NPEPPS: variants seen among roughly 807,000 people sequenced by gnomAD.
NPEPPS encodes the protein aminopeptidase puromycin sensitive, also known as puromycin-sensitive aminopeptidase.
A neutral mutation model predicts 115.5 loss-of-function variants in NPEPPS; 14 were observed. That is an observed-to-expected ratio of 0.12 (90% confidence interval 0.08 to 0.19). NPEPPS has a LOEUF of 0.19. NPEPPS is among the 10% of genes least tolerant of loss of function. NPEPPS has a pLI of 1.00. For missense variants in NPEPPS, 523 were observed against 1,110.8 expected (o/e 0.47, Z 7.52); for synonymous variants, 285 against 390.6 (o/e 0.73, Z 3.19).
intron 2 of NPEPPS, among the ~76,000 whole-genome samples, chr17:47,566,397 T>A (rs1387302730): frequency 6.6e-6 from 1 of 152,042 alleles, no homozygotes; most frequent in Admixed American, 6.6e-5. Flanking sequence ...ACACTTTTTT[T>A]ATGTGCTTTT....
Position 47,619,120 on chromosome 17 carries a change from T to C in NPEPPS, c.2515T>C (p.Tyr839His), listed in dbSNP as rs1366987487. 1.2e-6 allele frequency: 2 copies of C among 1,613,836 alleles called. No homozygotes were observed. The highest frequency in any genetic ancestry group is 2.7e-5 in the African/African-American group (2 of 74,936). The change falls in exon 21 of 23, where the codon TAT (tyrosine) becomes CAT (histidine). Residue 839 changes from tyrosine (Y) to histidine (H), a missense_variant. By Grantham distance (83) the Tyr-to-His change is moderately conservative. Transcript: ENST00000322157. ...CATAAAGGACAACTGGGAAGAACTTTATAACCGATACCAGGGAGGATTCTT... is the reference window on the plus strand; with the variant it reads ...CATAAAGGACAACTGGGAAGAACTTCATAACCGATACCAGGGAGGATTCTT... The part of the protein sequence containing the change: ...KFIKDNWEEL[Y>H]NRYQGGFLIS...
intron 1 of NPEPPS, among the ~76,000 whole-genome samples, chr17:47,525,297 C>T (rs1907388248): frequency 1.3e-5 from 2 of 152,136 alleles, no homozygotes; most frequent in African/African-American, 4.8e-5. Context: ...TTCTCCTCAG[C>T]AGGATCAAAA....
At chr17:47,559,699 C>A (rs759869102) in intron 2 of NPEPPS, 7 of 453,712 alleles carry the variant, frequency 1.5e-5, no homozygotes, top group South Asian at 1.1e-4. Context: ...TAGGATATCA[C>A]TTTTTTGGTT....
intron 17 of NPEPPS, among the ~76,000 whole-genome samples, chr17:47,608,692 T>G (rs1315248622): frequency 2.0e-5 from 3 of 151,954 alleles, no homozygotes; most frequent in Admixed American, 6.6e-5. Flanking sequence ...ATTTAGAGAT[T>G]GTGTGGAAAA....
intron 1 of NPEPPS, among the ~76,000 whole-genome samples, chr17:47,543,483 ATTTTTTTT>A (rs1244034572): frequency 9.3e-5 from 11 of 118,126 alleles, no homozygotes; most frequent in East Asian, 5.0e-4. Context: ...GGCCTGGCTA[ATTTTTTTT>A]TTTTTTTTTT....
intron 22 of NPEPPS, 111 bp downstream of exon 22, chr17:47,619,895 TTAGA>T (rs1488280862): frequency 2.4e-5 from 22 of 921,024 alleles, no homozygotes; most frequent in South Asian, 5.5e-5. Context: ...GTGTTTTTGT[TTAGA>T]GAAAGACATC....
chr17:47,612,663 C>CT (rs35841962), intron 18 of NPEPPS, 61 bp downstream of exon 18: 49,799 of 1,085,076 alleles, frequency 0.046, 12 homozygotes, highest in Non-Finnish European at 0.049. Context: ...AAGCATGGAA[C>CT]TTTTTTTTTT....
intron 2 of NPEPPS, among the ~76,000 whole-genome samples, chr17:47,563,101 A>T (rs1910549470): frequency 2.0e-5 from 3 of 149,862 alleles, no homozygotes; most frequent in African/African-American, 7.4e-5. Context: ...GCGTGATCTC[A>T]ATTCACTGCA....
chr17:47,603,658 A>G (rs1913356683), intron 15 of NPEPPS: 1 of 329,792 alleles, frequency 3.0e-6, no homozygotes, highest in East Asian at 5.0e-5. Context: ...ATAGAAACCC[A>G]CATTATTTTG....
intron 2 of NPEPPS, among the ~76,000 whole-genome samples, chr17:47,558,435 C>G (rs1478682575): frequency 6.7e-6 from 1 of 148,654 alleles, no homozygotes; most frequent in Non-Finnish European, 1.5e-5. Context: ...GCCCATCCCC[C>G]ACTTTTTTTT....
chr17:47,544,626 C>T (rs1376655823), intron 1 of NPEPPS, among the ~76,000 whole-genome samples: 4 of 150,670 alleles, frequency 2.7e-5, no homozygotes, highest in Non-Finnish European at 5.9e-5. Flanking sequence ...CTCTGCCTCC[C>T]GGGTTTAAGC....
At chr17:47,566,205 C>T (rs534941034) in intron 2 of NPEPPS, among the ~76,000 whole-genome samples, 2 of 152,114 alleles carry the variant, frequency 1.3e-5, no homozygotes, top group African/African-American at 4.8e-5. Flanking sequence ...TTTTGAACTC[C>T]TGGGTTCAAG....
chr17:47,599,588 A>T, intron 13 of NPEPPS, 88 bp from the exon 14 acceptor site: 1 of 980,096 alleles, frequency 1.0e-6, no homozygotes, highest in Non-Finnish European at 1.6e-6. Flanking sequence ...CATTTGTCAC[A>T]GAAATGTTGT....
At chr17:47,588,300 G>A (rs1912309579) in intron 9 of NPEPPS, among the ~76,000 whole-genome samples, 1 of 152,104 alleles carries the variant, frequency 6.6e-6, no homozygotes, top group Non-Finnish European at 1.5e-5. Context: ...GGTGGCTCAC[G>A]CCGGTAATCC....
chr17:47,619,515 T>C (rs1914411131), intron 21 of NPEPPS: 2 of 549,846 alleles, frequency 3.6e-6, no homozygotes, highest in Non-Finnish European at 6.5e-6. Flanking sequence ...GATGAGGTCA[T>C]TGCACTCCAG....
At chr17:47,544,238 A>G (rs992240354) in intron 1 of NPEPPS, among the ~76,000 whole-genome samples, 5 of 151,892 alleles carry the variant, frequency 3.3e-5, no homozygotes, top group Admixed American at 2.0e-4. Flanking sequence ...TCTACTCTCT[A>G]TGTCAGCCAG....
intron 2 of NPEPPS, among the ~76,000 whole-genome samples, chr17:47,547,477 C>G (rs951964955): frequency 2.0e-5 from 3 of 151,974 alleles, no homozygotes; most frequent in Non-Finnish European, 4.4e-5. Flanking sequence ...TCCCAAGTAG[C>G]TGATATTACA....
chr17:47,591,040 G>A (rs988785558), intron 10 of NPEPPS, among the ~76,000 whole-genome samples, 159 bp downstream of exon 10: 26 of 152,194 alleles, frequency 1.7e-4, no homozygotes, highest in Non-Finnish European at 7.3e-5. Context: ...GTAAGTCTAA[G>A]TTCTAATTAA....
chr17:47,622,264 C>A lies in NPEPPS; in HGVS notation c.*344C>A. The A allele has an allele frequency of 4.0e-6, 1 of 249,404 alleles. No individual in the cohort carries two copies. Among genetic ancestry groups the A allele is most frequent in the Non-Finnish European group, 6.5e-6 (1 of 153,722 alleles). The allele number at this position is 249,404 out of a possible 1,614,324, so 15.4% of individuals were successfully genotyped here. On this transcript the variant is annotated 3_prime_UTR_variant, in exon 23 of 23. Coordinates refer to ENST00000322157, the MANE Select transcript of NPEPPS (RefSeq NM_006310.4). ...CAGATGTTCTGTTTTTATAACCTACCAAAAGGAAACTAGAGGCTTCTTGGT... is the reference window on the plus strand; with the variant it reads ...CAGATGTTCTGTTTTTATAACCTACAAAAAGGAAACTAGAGGCTTCTTGGT...
Sources: allele counts gnomAD v4.1 joint callset (sites outside exome capture counted in the v4.1 genomes callset), GRCh38; gene constraint gnomAD v4.1.1; transcripts MANE v1.5; gene names NCBI Gene and HGNC (gene_info 2026-07-23, HGNC 2026-07-21).